MUC5AC: variants seen among roughly 807,000 people sequenced by gnomAD.
MUC5AC encodes the protein mucin-5AC.
Under a neutral mutation model 169.7 loss-of-function variants are expected in MUC5AC, and 158 were observed. That is an observed-to-expected ratio of 0.93 (90% CI 0.82 to 1.06). The LOEUF (loss-of-function observed/expected upper bound fraction) is 1.06, where lower values mean the gene tolerates loss of function less well. Ranked by LOEUF, MUC5AC falls within the 50% of genes least tolerant of loss-of-function variation. MUC5AC has a pLI of 0.00. For missense variants in MUC5AC, 4,359 were observed against 3,089.9 expected (o/e 1.41, Z -9.74); for synonymous variants, 1,975 against 1,237.0 (o/e 1.60, Z -12.52).
At chr11:1,158,229 A>G (rs1860018917) in intron 1 of MUC5AC, among the ~76,000 whole-genome samples, 157 bp downstream of exon 1, 1 of 152,178 alleles carries the variant, frequency 6.6e-6, no homozygotes, top group African/African-American at 2.4e-5. Context: ...GCCACGAACG[A>G]GCAGTTTCCC....
At chr11:1,198,830 C>A in intron 43 of MUC5AC, 44 bp from the exon 44 acceptor site, 1 of 697,674 alleles carries the variant, frequency 1.4e-6, no homozygotes, top group Non-Finnish European at 2.6e-6. Flanking sequence ...CGGGTCTCCC[C>A]AGGGCCCAAG....
intron 3 of MUC5AC, 89 bp downstream of exon 3, chr11:1,161,675 C>A (rs1860143946): frequency 1.4e-6 from 2 of 1,406,814 alleles, no homozygotes; most frequent in Non-Finnish European, 9.6e-7. Context: ...TGGAGAGGGG[C>A]CCCAGCTTTC....
chr11:1,171,534 C>T (rs1860536356), intron 15 of MUC5AC, among the ~76,000 whole-genome samples: 2 of 99,794 alleles, frequency 2.0e-5, no homozygotes, highest in Admixed American at 9.4e-5. Context: ...CCCACTCACC[C>T]ACTCACTCAC....
At position 1,187,437 on chromosome 11, in the gene MUC5AC, A is replaced by G; in HGVS notation, c.9292A>G (p.Thr3098Ala). 1.4e-6 allele frequency: 1 copy of G among 729,164 alleles called. No homozygotes were observed. Among genetic ancestry groups the G allele is most frequent in the Non-Finnish European group, 2.5e-6 (1 of 400,066 alleles). The allele number at this position is 729,164 out of a possible 1,614,324, so 45.2% of individuals were successfully genotyped here. A position where few individuals can be genotyped will look rare whatever the true frequency, so the allele number is the denominator to read the frequency against. ...ATTSTISAPT[T>A]STTSAPTTST... ...AACCAGCACAATCTCGGCCCCAACA[A>G]CCAGCACAACGTCTGCTCCTACAAC... Residue 3098 changes from threonine to alanine, a missense_variant, in exon 31 of 49, where the codon ACC becomes GCC. By Grantham distance (58) the Thr-to-Ala change is moderately conservative. Transcript: ENST00000621226.
chr11:1,179,333 GT>G, intron 26 of MUC5AC, 85 bp downstream of exon 26: 1 of 483,152 alleles, frequency 2.1e-6, no homozygotes, highest in South Asian at 3.9e-5. Context: ...CGTGGGGTGT[GT>G]GGGGCGGGTG....
In MUC5AC at chr11:1,179,143, G is replaced by A. The variant is rs1239615739; in HGVS notation, c.3379G>A (p.Asp1127Asn). 3 of 667,248 alleles carry A rather than the reference G, an allele frequency of 4.5e-6. No homozygotes were observed. Among genetic ancestry groups the A allele is most frequent in the South Asian group, 1.6e-5 (1 of 62,430 alleles). The allele number at this position is 667,248 out of a possible 1,614,324, so 41.3% of individuals were successfully genotyped here. A position where few individuals can be genotyped will look rare whatever the true frequency, so the allele number is the denominator to read the frequency against. The change falls in exon 26 of 49, where the codon GAC becomes AAC. Residue 1127 changes from aspartate (D) to asparagine (N), a missense_variant. Physicochemically the swap from Asp to Asn is conservative, Grantham distance 23 (BLOSUM62 1). Coordinates refer to ENST00000621226, the MANE Select transcript of MUC5AC (RefSeq NM_001304359.2). Reference sequence around the variant, plus strand: ...CTGCGTGAACGACGCGTGCGCCTGCGACTCCGGGGGTGACTGCGAGTGCTT... The same window carrying A: ...CTGCGTGAACGACGCGTGCGCCTGCAACTCCGGGGGTGACTGCGAGTGCTT... ...EACVNDACAC[D>N]SGGDCECFCT...
rs1161411602 is a variant in MUC5AC, at chr11:1,184,831, C to T, written c.6686C>T (p.Ala2229Val). Residue 2229 changes from alanine (A) to valine (V), a missense_variant, in exon 31 of 49, where the codon GCT (alanine) becomes GTT (valine). Physicochemically the swap from Ala to Val is moderately conservative, Grantham distance 64. Transcript: ENST00000621226. ...GCPVTSTPVT[A>V]PSTPSGRATS... ...CCCGTGACCTCCACACCTGTGACAGCTCCTAGCACCCCTAGTGGGAGAGCC... is the reference window on the plus strand; with the variant it reads ...CCCGTGACCTCCACACCTGTGACAGTTCCTAGCACCCCTAGTGGGAGAGCC... The T allele has an allele frequency of 1.2e-5, 8 of 641,796 alleles. No individual in the cohort carries two copies. Among genetic ancestry groups the T allele is most frequent in the Admixed American group, 1.0e-4 (4 of 38,100 alleles). The allele number at this position is 641,796 out of a possible 1,614,324, so 39.8% of individuals were successfully genotyped here. A position where few individuals can be genotyped will look rare whatever the true frequency, so the allele number is the denominator to read the frequency against.
rs1861306309 is a variant in MUC5AC, at chr11:1,197,473, C to A, written c.15867C>A (p.Gly5289=). The change falls in exon 41 of 49, where the codon GGC becomes GGA. Residue 5289 remains glycine, a synonymous_variant. Transcript: ENST00000621226. ...LGPHGEPVKV[G]HTVGMDCQEC... ...CTCAGTCCCCTTCCTTGCAGGTGGG[C>A]CACACCGTCGGCATGGACTGCCAGG... The A allele has an allele frequency of 2.8e-6, 2 of 711,454 alleles. No individual in the cohort carries two copies. Among genetic ancestry groups the A allele is most frequent in the Non-Finnish European group, 5.1e-6 (2 of 391,422 alleles). The allele number at this position is 711,454 out of a possible 1,614,324, so 44.1% of individuals were successfully genotyped here. A position where few individuals can be genotyped will look rare whatever the true frequency, so the allele number is the denominator to read the frequency against.
Position 1,186,069 on chromosome 11 carries a change from G to T in MUC5AC, c.7924G>T (p.Ala2642Ser). Reference protein sequence around the residue: ...PETTPSPVPTASTTSASTTST... With the variant: ...PETTPSPVPTSSTTSASTTST... ...AACTACTCCCAGCCCTGTTCCTACCGCCAGCACAACCTCTGCTTCTACAAC... is the reference window on the plus strand; with the variant it reads ...AACTACTCCCAGCCCTGTTCCTACCTCCAGCACAACCTCTGCTTCTACAAC... The change falls in exon 31 of 49, where the codon GCC becomes TCC. Residue 2642 changes from alanine (A) to serine (S), a missense_variant. Transcript: ENST00000621226. 3.1e-6 allele frequency: 2 copies of T among 639,736 alleles called. No homozygotes were observed. Among genetic ancestry groups the T allele is most frequent in the East Asian group, 2.9e-5 (1 of 34,308 alleles). The allele number at this position is 639,736 out of a possible 1,614,324, so 39.6% of individuals were successfully genotyped here.
In MUC5AC at chr11:1,197,448, C is replaced by T; in HGVS notation, c.15862-20C>T. Reference sequence around the variant, plus strand: ...GGTGGAGCCGCTGCGGACGCTGGACCTCAGTCCCCTTCCTTGCAGGTGGGC... The same window carrying T: ...GGTGGAGCCGCTGCGGACGCTGGACTTCAGTCCCCTTCCTTGCAGGTGGGC... On this transcript the variant is annotated intron_variant, in intron 40 of 48. Coordinates refer to ENST00000621226, the MANE Select transcript of MUC5AC (RefSeq NM_001304359.2). 2 of 704,506 alleles carry T rather than the reference C, an allele frequency of 2.8e-6. No individual in the cohort carries two copies. The highest frequency in any genetic ancestry group is 1.5e-5 in the South Asian group (1 of 67,664). The allele number at this position is 704,506 out of a possible 1,614,324, so 43.6% of individuals were successfully genotyped here.
chr11:1,181,208 T>C (rs1425913827), intron 29 of MUC5AC, 26 bp downstream of exon 29: 1 of 398,590 alleles, frequency 2.5e-6, no homozygotes, highest in African/African-American at 2.1e-5. Flanking sequence ...CCCCTGGGGC[T>C]GGGGTCCGGG....
At chr11:1,171,073 C>T (rs1275647708) in intron 15 of MUC5AC, among the ~76,000 whole-genome samples, 2 of 104,090 alleles carry the variant, frequency 1.9e-5, no homozygotes, top group Non-Finnish European at 4.5e-5. Flanking sequence ...CTCACCGACT[C>T]ACCCATTCAC....
Position 1,159,702 on chromosome 11 carries a change from T to C in MUC5AC, c.74-910T>C, listed in dbSNP as rs1414278751. Among the ~76,000 whole-genome samples, 85 of 115,402 alleles carry C rather than the reference T, an allele frequency of 7.4e-4. 1 individual carries two copies. Among genetic ancestry groups the C allele is most frequent in the African/African-American group, 3.0e-3 (85 of 28,334 alleles). The allele number at this position is 115,402 out of a possible 152,430, so 75.7% of individuals were successfully genotyped here. ...CATGCTGGTTCTGTGCGGGGCTGTGTGGGGCTGTGTGGGGCTGTGCGGGGC... is the reference window on the plus strand; with the variant it reads ...CATGCTGGTTCTGTGCGGGGCTGTGCGGGGCTGTGTGGGGCTGTGCGGGGC... On this transcript the variant is annotated intron_variant, in intron 1 of 48. Coordinates refer to ENST00000621226, the MANE Select transcript of MUC5AC (RefSeq NM_001304359.2).
intron 15 of MUC5AC, among the ~76,000 whole-genome samples, chr11:1,169,825 T>TTCACCCACTCAC (rs1860445998): frequency 1.9e-5 from 2 of 104,230 alleles, no homozygotes; most frequent in Non-Finnish European, 4.0e-5. Context: ...CACTCACCCA[T>TTCACCCACTCAC]TCACCCACTC....
At position 1,180,022 on chromosome 11, in the gene MUC5AC, C is replaced by G; in HGVS notation, c.3485C>G (p.Pro1162Arg). ...CCGAGCCCTTCCTTCCTCCCTGCAG[C>G]TCTGTTCTGCGACTACTACAACCCC... is the stretch of plus-strand genomic sequence containing the variant. ...CVSWRTPSICPLFCDYYNPEG... is the reference protein window; with the variant it reads ...CVSWRTPSICRLFCDYYNPEG... Residue 1162 changes from proline to arginine, a missense_variant and splice_region_variant, in exon 27 of 49, where the codon CCT becomes CGT. Pro to Arg is a moderately radical substitution (Grantham distance 103, BLOSUM62 -2). Coordinates refer to ENST00000621226, the MANE Select transcript of MUC5AC (RefSeq NM_001304359.2). The G allele has an allele frequency of 2.5e-6, 1 of 399,040 alleles. No individual in the cohort carries two copies. The highest frequency in any genetic ancestry group is 1.3e-4 in the South Asian group (1 of 7,876). The allele number at this position is 399,040 out of a possible 1,614,324, so 24.7% of individuals were successfully genotyped here. A position where few individuals can be genotyped will look rare whatever the true frequency, so the allele number is the denominator to read the frequency against.
In MUC5AC at chr11:1,197,578, C is replaced by T. The variant is rs756239589; in HGVS notation, c.15972C>T (p.Pro5324=). Residue 5324 remains proline, a synonymous_variant, in exon 41 of 49, where the codon CCC becomes CCT. Transcript: ENST00000621226. ...LCPLPPACPL[P]GFVPVPAAPQ... ...CGCTGCCCCCTGCCTGCCCCCTGCCCGGCTTCGTGCCTGTGCCTGCAGCCC... is the reference window on the plus strand; with the variant it reads ...CGCTGCCCCCTGCCTGCCCCCTGCCTGGCTTCGTGCCTGTGCCTGCAGCCC... The T allele has an allele frequency of 6.9e-6, 5 of 721,140 alleles. No individual in the cohort carries two copies. The highest frequency in any genetic ancestry group is 1.5e-5 in the South Asian group (1 of 68,750). The allele number at this position is 721,140 out of a possible 1,614,324, so 44.7% of individuals were successfully genotyped here.
At chr11:1,160,286 G>A (rs973690595) in intron 1 of MUC5AC, among the ~76,000 whole-genome samples, 6 of 152,108 alleles carry the variant, frequency 3.9e-5, no homozygotes, top group African/African-American at 1.2e-4. Flanking sequence ...GCGTGGCAGC[G>A]TGGGGGCCAG....
Position 1,192,809 on chromosome 11 carries a change from C to T in MUC5AC, c.14407C>T (p.Leu4803Phe), listed in dbSNP as rs1236948757. ...AGSTIYRHRD[L>F]AGHCYYALCS... The stretch of plus-strand genomic sequence containing the variant: ...ATCCACCATATACCGCCACAGAGAC[C>T]TCGCTGGCCATTGCTATTATGCCCT... The change falls in exon 32 of 49, where the codon CTC (leucine) becomes TTC (phenylalanine). Residue 4803 changes from leucine (L) to phenylalanine (F), a missense_variant. By Grantham distance (22) the Leu-to-Phe change is conservative. Transcript: ENST00000621226. 5 of 762,668 alleles carry T rather than the reference C, an allele frequency of 6.6e-6. No individual in the cohort carries two copies. In the African/African-American group the frequency reaches 8.5e-5, roughly 13 times the overall value. The allele number at this position is 762,668 out of a possible 1,614,324, so 47.2% of individuals were successfully genotyped here.
At chr11:1,176,365 C>T (rs1423721240) in intron 20 of MUC5AC, 114 bp downstream of exon 20, 1 of 398,692 alleles carries the variant, frequency 2.5e-6, no homozygotes. Context: ...CCATGGGCTG[C>T]CCCACGTCCC....
Sources: allele counts gnomAD v4.1 joint callset (sites outside exome capture counted in the v4.1 genomes callset), GRCh38; gene constraint gnomAD v4.1.1; transcripts MANE v1.5; gene names NCBI Gene and HGNC (gene_info 2026-07-23, HGNC 2026-07-21).